The following EYA2 variants were observed in gnomAD, a reference collection of about 807,000 sequenced individuals.
EYA2 encodes the protein EYA transcriptional coactivator and phosphatase 2.
A neutral mutation model predicts 69.2 loss-of-function variants in EYA2; 31 were observed. That is an observed-to-expected ratio of 0.45 (90% confidence interval 0.34 to 0.60). The LOEUF (loss-of-function observed/expected upper bound fraction) is 0.60, where lower values mean the gene tolerates loss of function less well. EYA2 is among the 20% of genes least tolerant of loss of function. EYA2 has a pLI of 0.02. For synonymous variants in EYA2, 257 were observed against 279.4 expected (o/e 0.92, Z 0.80); for missense variants, 622 against 701.2 (o/e 0.89, Z 1.28).
At chr20:47,045,853 T>C (rs1437107066) in intron 5 of EYA2, among the ~76,000 whole-genome samples, 9 of 151,342 alleles carry the variant, frequency 5.9e-5, no homozygotes, top group Non-Finnish European at 1.3e-4. Context: ...GCGGTTTATT[T>C]CTCTCTTATG....
intron 1 of EYA2, among the ~76,000 whole-genome samples, chr20:46,970,122 C>T (rs1445339808): frequency 2.6e-5 from 4 of 152,080 alleles, no homozygotes; most frequent in South Asian, 4.2e-4. Context: ...TTGCAGACAC[C>T]GACTGCAGTT....
At chr20:47,167,222 A>G (rs1394386070) in intron 10 of EYA2, among the ~76,000 whole-genome samples, 2 of 150,424 alleles carry the variant, frequency 1.3e-5, no homozygotes, top group African/African-American at 2.5e-5. Flanking sequence ...CGAACAACAC[A>G]CACGTGTCCT....
chr20:47,035,771 A>G (rs1381655212), intron 5 of EYA2, among the ~76,000 whole-genome samples: 1 of 151,914 alleles, frequency 6.6e-6, no homozygotes. Context: ...ACTTTGGGAA[A>G]CGGAGGCAGG....
intron 7 of EYA2, among the ~76,000 whole-genome samples, chr20:47,087,029 T>C (rs894437149): frequency 2.6e-5 from 4 of 152,166 alleles, no homozygotes; most frequent in Admixed American, 6.5e-5. Context: ...GAAGAAATTC[T>C]TTTTCCAGAG....
chr20:47,166,516 A>G (rs376588357), intron 10 of EYA2, among the ~76,000 whole-genome samples: 30 of 150,656 alleles, frequency 2.0e-4, no homozygotes, highest in Non-Finnish European at 3.7e-4. Context: ...ACTCCCATCA[A>G]GGTTCCAGAG....
intron 5 of EYA2, among the ~76,000 whole-genome samples, chr20:47,041,655 A>G (rs1247006927): frequency 1.3e-5 from 2 of 151,854 alleles, no homozygotes; most frequent in African/African-American, 4.9e-5. Flanking sequence ...TTCAATGAAC[A>G]TCTTGTTGGA....
chr20:47,066,390 A>G (rs2031110015), intron 5 of EYA2, among the ~76,000 whole-genome samples: 1 of 152,166 alleles, frequency 6.6e-6, no homozygotes, highest in South Asian at 2.1e-4. Context: ...CTTAAAACCC[A>G]AGAAAACCAA....
At chr20:47,102,283 C>T (rs2032444575) in intron 9 of EYA2, among the ~76,000 whole-genome samples, 1 of 152,168 alleles carries the variant, frequency 6.6e-6, no homozygotes, top group Admixed American at 6.5e-5. Flanking sequence ...GATTGGCCAG[C>T]CAAATCAAGA....
chr20:46,908,169 G>T (rs1568661868), intron 1 of EYA2, among the ~76,000 whole-genome samples: 1 of 152,194 alleles, frequency 6.6e-6, no homozygotes, highest in Non-Finnish European at 1.5e-5. Context: ...TGGACGTGGG[G>T]AATGCAGTCA....
rs1044343988 is a variant in EYA2 at position 46,939,457 on chromosome 20, A to C, written c.-11+44470A>C. Among the ~76,000 whole-genome samples the C allele has an allele frequency of 2.0e-5, 3 of 152,112 alleles. No individual in the cohort carries two copies. In the East Asian group the frequency reaches 5.8e-4, roughly 29 times the overall value. On this transcript the variant is annotated intron_variant, in intron 1 of 15. Transcript: ENST00000327619. ...TATTTTTATTTTTTTATTTTTTTTCAAAAATCCCTTGATCAAGCTATGTCT... is the reference window on the plus strand; with the variant it reads ...TATTTTTATTTTTTTATTTTTTTTCCAAAATCCCTTGATCAAGCTATGTCT...
chr20:46,896,192 G>A (rs1983802934), intron 1 of EYA2, among the ~76,000 whole-genome samples: 2 of 152,184 alleles, frequency 1.3e-5, no homozygotes, highest in Non-Finnish European at 2.9e-5. Flanking sequence ...AAGAATTTGA[G>A]CACTGAATTA....
chr20:47,052,913 T>G (rs1475581629), intron 5 of EYA2, among the ~76,000 whole-genome samples: 1 of 152,162 alleles, frequency 6.6e-6, no homozygotes, highest in Non-Finnish European at 1.5e-5. Flanking sequence ...TTATCCACAT[T>G]CACAGTATAA....
intron 15 of EYA2, among the ~76,000 whole-genome samples, chr20:47,186,606 G>T (rs542492930): frequency 6.6e-6 from 1 of 151,912 alleles, no homozygotes; most frequent in Non-Finnish European, 1.5e-5. Flanking sequence ...TAGTCCACCC[G>T]CCTTGGCCTC....
intron 1 of EYA2, among the ~76,000 whole-genome samples, chr20:46,929,052 G>A (rs973060060): frequency 6.7e-6 from 1 of 150,236 alleles, no homozygotes; most frequent in African/African-American, 2.5e-5. Flanking sequence ...CAAGAAAATA[G>A]CAAAATGGAA....
intron 7 of EYA2, among the ~76,000 whole-genome samples, chr20:47,088,132 G>T (rs2031954786): frequency 6.6e-6 from 1 of 152,248 alleles, no homozygotes; most frequent in African/African-American, 2.4e-5. Flanking sequence ...CTACTTGGGA[G>T]GCCAAGGTAG....
chr20:46,965,903 T>C (rs1979748412), intron 1 of EYA2, among the ~76,000 whole-genome samples: 1 of 152,204 alleles, frequency 6.6e-6, no homozygotes, highest in South Asian at 2.1e-4. Flanking sequence ...AGCCCTGTCT[T>C]CTCTCTTGGG....
chr20:46,941,704 T>C (rs1352807063), intron 1 of EYA2, among the ~76,000 whole-genome samples: 1 of 152,160 alleles, frequency 6.6e-6, no homozygotes, highest in Non-Finnish European at 1.5e-5. Context: ...GATGAGACAT[T>C]ATAAAGGCCT....
At chr20:47,049,740 CTT>C (rs749585690) in intron 5 of EYA2, among the ~76,000 whole-genome samples, 373 of 152,248 alleles carry the variant, frequency 2.4e-3, no homozygotes, top group Non-Finnish European at 3.8e-3. Flanking sequence ...AATTCAACCT[CTT>C]TGCTTTAAAA....
At chr20:47,050,234 A>G (rs1322379672) in intron 5 of EYA2, among the ~76,000 whole-genome samples, 2 of 152,094 alleles carry the variant, frequency 1.3e-5, no homozygotes, top group African/African-American at 4.8e-5. Context: ...GTTAACTTTG[A>G]TCATCAGAGT....
Sources: allele counts gnomAD v4.1 joint callset (sites outside exome capture counted in the v4.1 genomes callset), GRCh38; gene constraint gnomAD v4.1.1; transcripts MANE v1.5; gene names NCBI Gene and HGNC (gene_info 2026-07-23, HGNC 2026-07-21).